The following ARHGEF4 variants were observed in gnomAD, a reference collection of about 807,000 sequenced individuals.
The protein encoded by ARHGEF4 is Rho guanine nucleotide exchange factor 4.
A neutral mutation model predicts 162.0 loss-of-function variants in ARHGEF4; 119 were observed. The observed-to-expected ratio is 0.73, with a 90% CI of 0.63 to 0.86. The LOEUF (loss-of-function observed/expected upper bound fraction) is 0.86, where lower values mean the gene tolerates loss of function less well. Among genes scored for constraint, ARHGEF4 ranks in the 40% least tolerant of loss-of-function variants. The pLI is 0.00. For synonymous variants in ARHGEF4, 1,014 were observed against 979.9 expected (o/e 1.03, Z -0.65); for missense variants, 2,488 against 2,456.0 (o/e 1.01, Z -0.28).
chr2:130,920,614 G>A (rs1024100328), intron 2 of ARHGEF4, among the ~76,000 whole-genome samples: 1 of 152,172 alleles, frequency 6.6e-6, no homozygotes. Context: ...AAATGACTGC[G>A]CCATCTTGTG....
At chr2:130,878,247 G>C (rs899608495) in intron 1 of ARHGEF4, among the ~76,000 whole-genome samples, 2 of 152,102 alleles carry the variant, frequency 1.3e-5, no homozygotes, top group African/African-American at 4.8e-5. Flanking sequence ...CTCACAGGCT[G>C]TACAAAAATA....
In ARHGEF4 at chr2:131,035,143, C is replaced by T. The variant is rs901936411; in HGVS notation, c.4126-3710C>T. On this transcript the variant is annotated intron_variant, in intron 5 of 13. Coordinates refer to ENST00000409359, the MANE Select transcript of ARHGEF4 (RefSeq NM_001367493.1). ...CGGCCCCGCGGCGCCCGGGAACGCC[C>T]TGCGCGCCCTGCTGCGCTGCAACCT... 1.6e-4 allele frequency: 190 copies of T among 1,203,128 alleles called. 1 individual carries two copies. In the African/African-American group the frequency reaches 2.5e-3, roughly 16 times the overall value. 74.5% of individuals were successfully genotyped at this position (1,203,128 alleles called of 1,614,324 possible).
intron 3 of ARHGEF4, among the ~76,000 whole-genome samples, chr2:130,938,627 T>C (rs1014222064): frequency 1.3e-5 from 2 of 152,174 alleles, no homozygotes; most frequent in African/African-American, 2.4e-5. Flanking sequence ...TATATATTCA[T>C]ATTCCAGATA....
rs902332886 is a variant in ARHGEF4 at position 130,995,340 on chromosome 2, T to C, written c.3986-32605T>C. ...AGTTTGTTTCCAGTTATTGAATACT[T>C]TGACTCAAGAGCTTCCGTTTGTTTC... On this transcript the variant is annotated intron_variant, in intron 4 of 13. Coordinates refer to ENST00000409359, the MANE Select transcript of ARHGEF4 (RefSeq NM_001367493.1). Among the ~76,000 whole-genome samples the C allele has an allele frequency of 3.9e-5, 6 of 152,216 alleles. No individual in the cohort carries two copies. The South Asian group carries it at 6.2e-4, about 16-fold the overall frequency.
At chr2:131,043,310 C>A in intron 10 of ARHGEF4, 142 bp from the exon 11 acceptor site, 2 of 1,119,678 alleles carry the variant, frequency 1.8e-6, no homozygotes, top group East Asian at 2.5e-5. Flanking sequence ...CCACCTCTTC[C>A]TCCCCCTCCC....
intron 1 of ARHGEF4, among the ~76,000 whole-genome samples, chr2:130,846,828 A>G (rs949583691): frequency 6.6e-6 from 1 of 152,074 alleles, no homozygotes; most frequent in Non-Finnish European, 1.5e-5. Context: ...ATGAGTCCGG[A>G]GAGTCTTGTT....
At position 130,896,123 on chromosome 2, in the gene ARHGEF4, C is replaced by T. The variant is rs541439184; in HGVS notation, c.40-17863C>T. Among the ~76,000 whole-genome samples, 178 of 152,126 alleles carry T rather than the reference C, an allele frequency of 1.2e-3. 1 individual carries two copies. The highest frequency in any genetic ancestry group is 5.7e-3 in the Admixed American group (87 of 15,268). The stretch of plus-strand genomic sequence containing the variant: ...ATTATTTGTTGAAAAGACTATTATT[C>T]TTTTTCCATTAAATTGCCAGGTCTT... On this transcript the variant is annotated intron_variant, in intron 1 of 13. Coordinates refer to ENST00000409359, the MANE Select transcript of ARHGEF4 (RefSeq NM_001367493.1).
intron 1 of ARHGEF4, among the ~76,000 whole-genome samples, chr2:130,876,547 A>G (rs1407119230): frequency 1.3e-5 from 2 of 152,032 alleles, no homozygotes; most frequent in African/African-American, 4.8e-5. Flanking sequence ...GCCCGCCAAC[A>G]TACTCGGCTA....
chr2:131,016,351 C>T (rs1688776363), intron 4 of ARHGEF4, among the ~76,000 whole-genome samples: 1 of 152,224 alleles, frequency 6.6e-6, no homozygotes, highest in African/African-American at 2.4e-5. Context: ...CCAATGGGCT[C>T]TGGATAAATA....
chr2:131,031,798 C>A (rs774532739), intron 5 of ARHGEF4, among the ~76,000 whole-genome samples: 91 of 152,316 alleles, frequency 6.0e-4, no homozygotes, highest in Non-Finnish European at 1.2e-3. Flanking sequence ...AGTTCCTCGC[C>A]CTCCCCCTTG....
In ARHGEF4 at chr2:131,046,916, T is replaced by C. The variant is rs991824204; in HGVS notation, c.*727T>C. The C allele has an allele frequency of 6.5e-6, 1 of 152,716 alleles. No homozygotes were observed. The highest frequency in any genetic ancestry group is 1.9e-4 in the East Asian group (1 of 5,200). The allele number at this position is 152,716 out of a possible 1,614,324, so 9.5% of individuals were successfully genotyped here. On this transcript the variant is annotated 3_prime_UTR_variant, in exon 14 of 14. Coordinates refer to ENST00000409359, the MANE Select transcript of ARHGEF4 (RefSeq NM_001367493.1). ...TCCAGAACCACCTCGTTCCTGGTTT[T>C]GTTTGGATTTTGGCATCTTGTTTTT...
At chr2:130,932,240 A>G (rs1682679854) in intron 3 of ARHGEF4, among the ~76,000 whole-genome samples, 2 of 152,032 alleles carry the variant, frequency 1.3e-5, no homozygotes, top group Admixed American at 6.5e-5. Context: ...ATTTCTTTGT[A>G]TGGCTAAGTA....
At chr2:131,001,643 C>CT (rs1687775851) in intron 4 of ARHGEF4, among the ~76,000 whole-genome samples, 1 of 152,076 alleles carries the variant, frequency 6.6e-6, no homozygotes, top group African/African-American at 2.4e-5. Context: ...ACATGATTCT[C>CT]TATGTATCCT....
chr2:130,911,989 G>C (rs1681217629), intron 1 of ARHGEF4, among the ~76,000 whole-genome samples: 1 of 152,240 alleles, frequency 6.6e-6, no homozygotes, highest in East Asian at 1.9e-4. Flanking sequence ...AATGCTGAGA[G>C]GATGGCTCCA....
intron 2 of ARHGEF4, among the ~76,000 whole-genome samples, chr2:130,922,239 C>T (rs1298676641): frequency 1.3e-5 from 2 of 151,734 alleles, no homozygotes; most frequent in East Asian, 2.0e-4. Flanking sequence ...GGCATGGTGG[C>T]GCATGCATAT....
At chr2:131,012,954 G>A (rs900065938) in intron 4 of ARHGEF4, among the ~76,000 whole-genome samples, 2 of 152,194 alleles carry the variant, frequency 1.3e-5, no homozygotes, top group African/African-American at 2.4e-5. Context: ...TTCTTTACAC[G>A]TACAAAATGA....
At chr2:130,965,738 A>G (rs1163176979) in intron 4 of ARHGEF4, among the ~76,000 whole-genome samples, 1 of 152,186 alleles carries the variant, frequency 6.6e-6, no homozygotes, top group Non-Finnish European at 1.5e-5. Context: ...TGGAAATGGC[A>G]GAGACCCTAG....
chr2:130,932,162 C>T (rs1214002290), intron 3 of ARHGEF4, among the ~76,000 whole-genome samples: 1 of 152,190 alleles, frequency 6.6e-6, no homozygotes, highest in Non-Finnish European at 1.5e-5. Context: ...TGATACGTGA[C>T]CTTTTGTGAC....
At chr2:130,905,397 G>A (rs1324326981) in intron 1 of ARHGEF4, among the ~76,000 whole-genome samples, 1 of 152,042 alleles carries the variant, frequency 6.6e-6, no homozygotes, top group Non-Finnish European at 1.5e-5. Flanking sequence ...GTGAAATTAC[G>A]TAGTCAGTGT....
Sources: allele counts gnomAD v4.1 joint callset (sites outside exome capture counted in the v4.1 genomes callset), GRCh38; gene constraint gnomAD v4.1.1; transcripts MANE v1.5; gene names NCBI Gene and HGNC (gene_info 2026-07-23, HGNC 2026-07-21).